MAP3K4: variants seen among roughly 807,000 people sequenced by gnomAD.
The protein encoded by MAP3K4 is MAP three kinase 1.
MAP3K4 carries 67 observed loss-of-function variants against 185.6 expected under a neutral mutation model. The ratio of observed to expected loss-of-function variants is 0.36; its 90% CI spans 0.30 to 0.44. The LOEUF (loss-of-function observed/expected upper bound fraction) is 0.44, where lower values mean the gene tolerates loss of function less well. Among genes scored for constraint, MAP3K4 ranks in the 20% least tolerant of loss-of-function variants. The pLI is 1.00. For synonymous variants in MAP3K4, 702 were observed against 710.4 expected (o/e 0.99, Z 0.19); for missense variants, 1,551 against 1,995.1 (o/e 0.78, Z 4.24).
chr6:161,027,085 G>A (rs1782710498), intron 1 of MAP3K4, among the ~76,000 whole-genome samples: 1 of 151,976 alleles, frequency 6.6e-6, no homozygotes, highest in African/African-American at 2.4e-5. Context: ...AATCAGGCAG[G>A]CCTCATCCAC....
chr6:161,108,713 A>T lies in MAP3K4; in HGVS notation c.4120-30A>T. On this transcript the variant is annotated intron_variant, in intron 21 of 26. Transcript: ENST00000392142. The surrounding 1 kb of genome is among the most constrained non-coding windows in gnomAD (Gnocchi z 5.7). ...TAATGTAGAGTGATTAAATCAAGCCAGTTAACATTTTTGTCACCTCACTTT... is the reference window on the plus strand; with the variant it reads ...TAATGTAGAGTGATTAAATCAAGCCTGTTAACATTTTTGTCACCTCACTTT... The T allele has an allele frequency of 8.1e-7, 1 of 1,238,178 alleles. No homozygotes were observed. The highest frequency in any genetic ancestry group is 1.2e-5 in the South Asian group (1 of 83,542). 76.7% of individuals were successfully genotyped at this position (1,238,178 alleles called of 1,614,324 possible).
At position 161,058,908 on chromosome 6, in the gene MAP3K4, A is replaced by G. The variant is rs1378784645; in HGVS notation, c.1707+8929A>G. Among the ~76,000 whole-genome samples, 3 of 152,268 alleles carry G rather than the reference A, an allele frequency of 2.0e-5. No individual in the cohort carries two copies. The South Asian group carries it at 6.2e-4, about 32-fold the overall frequency. On this transcript the variant is annotated intron_variant, in intron 3 of 26. Transcript: ENST00000392142. ...TTGTGTAAACAATGTAGCCACAGAC[A>G]TTCTTGTACACACCCCTTTATGAAC...
intron 1 of MAP3K4, among the ~76,000 whole-genome samples, chr6:161,014,265 AC>A (rs1781978932): frequency 6.6e-6 from 1 of 152,162 alleles, no homozygotes; most frequent in African/African-American, 2.4e-5. Flanking sequence ...CTTTTGTACC[AC>A]TGGGTATTAT....
chr6:160,992,791 C>A (rs1780796591), intron 1 of MAP3K4, among the ~76,000 whole-genome samples: 1 of 152,080 alleles, frequency 6.6e-6, no homozygotes, highest in South Asian at 2.1e-4. Flanking sequence ...TTCTTCCATA[C>A]TCTATTAACT....
chr6:161,078,457 A>G (rs1320269674), intron 5 of MAP3K4, among the ~76,000 whole-genome samples: 1 of 152,212 alleles, frequency 6.6e-6, no homozygotes, highest in East Asian at 1.9e-4. Flanking sequence ...AAGCGAACAA[A>G]GGAGGGGGTT....
At position 161,077,712 on chromosome 6, in the gene MAP3K4, A is replaced by G. The variant is rs1785247513; in HGVS notation, c.2098-3169A>G. Among the ~76,000 whole-genome samples the G allele has an allele frequency of 6.6e-6, 1 of 152,186 alleles. No homozygotes were observed. The highest frequency in any genetic ancestry group is 2.4e-5 in the African/African-American group (1 of 41,452). On this transcript the variant is annotated intron_variant, in intron 5 of 26. Transcript: ENST00000392142. This position sits in a 1 kb window ranked among gnomAD's most constrained non-coding sequence, Gnocchi z 4.3. ...CAGTGAAATGGCAGGACTCGGGTGGATCAAATGTGAACAAGGTGTTGGGAG... is the reference window on the plus strand; with the variant it reads ...CAGTGAAATGGCAGGACTCGGGTGGGTCAAATGTGAACAAGGTGTTGGGAG...
intron 1 of MAP3K4, among the ~76,000 whole-genome samples, chr6:161,032,674 G>A (rs1425994848): frequency 6.6e-6 from 1 of 152,166 alleles, no homozygotes; most frequent in African/African-American, 2.4e-5. Context: ...TCTTTAATCA[G>A]TCAAATCAAC....
In MAP3K4 at chr6:161,084,660, A is replaced by G. The variant is rs950930590; in HGVS notation, c.2372+43A>G. On this transcript the variant is annotated intron_variant, in intron 7 of 26. Coordinates refer to ENST00000392142, the MANE Select transcript of MAP3K4 (RefSeq NM_005922.4). This position sits in a 1 kb window ranked among gnomAD's most constrained non-coding sequence, Gnocchi z 4.6. ...TTTCCCCTTCCACTTCTTATCTCGT[A>G]GTTTCCTTCCTCATGGTGAGATCCT... 1.7e-5 allele frequency: 19 copies of G among 1,149,928 alleles called. No homozygotes were observed. In the East Asian group the frequency reaches 4.2e-4, roughly 26 times the overall value. 71.2% of individuals were successfully genotyped at this position (1,149,928 alleles called of 1,614,324 possible). A position where few individuals can be genotyped will look rare whatever the true frequency, so the allele number is the denominator to read the frequency against.
intron 1 of MAP3K4, among the ~76,000 whole-genome samples, chr6:161,027,979 C>A (rs1164426619): frequency 6.6e-6 from 1 of 152,216 alleles, no homozygotes; most frequent in Non-Finnish European, 1.5e-5. Flanking sequence ...CACTTCTCCA[C>A]CTAAGTTGGG....
At chr6:160,995,923 T>A (rs867977364) in intron 1 of MAP3K4, among the ~76,000 whole-genome samples, 3 of 152,236 alleles carry the variant, frequency 2.0e-5, no homozygotes, top group Admixed American at 1.3e-4. Flanking sequence ...ATTGTCCTTA[T>A]GAGTACATGC....
chr6:161,066,826 T>G (rs528282224), intron 3 of MAP3K4, among the ~76,000 whole-genome samples: 1 of 152,366 alleles, frequency 6.6e-6, no homozygotes, highest in Non-Finnish European at 1.5e-5. Flanking sequence ...TGCACTTTTT[T>G]GAGAACTAGG....
At chr6:161,002,050 G>GTTTTTTTTTTTTTTT (rs77347524) in intron 1 of MAP3K4, among the ~76,000 whole-genome samples, 1 of 112,464 alleles carries the variant, frequency 8.9e-6, no homozygotes, top group Non-Finnish European at 1.8e-5. Context: ...TAAGAAAAAG[G>GTTTTTTTTTTTTTTT]TTTTTTTTTT....
chr6:161,102,940 G>A (rs1346993815), intron 19 of MAP3K4, among the ~76,000 whole-genome samples, 161 bp downstream of exon 19: 6 of 151,666 alleles, frequency 4.0e-5, no homozygotes, highest in Non-Finnish European at 8.8e-5. Context: ...TTTCTATCAT[G>A]TACTGTGTTT....
intron 3 of MAP3K4, among the ~76,000 whole-genome samples, chr6:161,055,106 G>A (rs890736878): frequency 1.3e-5 from 2 of 152,138 alleles, no homozygotes; most frequent in Non-Finnish European, 2.9e-5. Context: ...ATTTCATAAT[G>A]TATCATGGTC....
intron 1 of MAP3K4, among the ~76,000 whole-genome samples, chr6:161,020,678 G>C (rs1359429894): frequency 1.4e-5 from 2 of 144,780 alleles, no homozygotes; most frequent in Admixed American, 1.4e-4. Flanking sequence ...AAAAAAACAA[G>C]AAAGAGAAAA....
At position 160,994,848 on chromosome 6, in the gene MAP3K4, C is replaced by G. The variant is rs1780918434; in HGVS notation, c.152+2765C>G. ...CCCGGGTAGCTGGGATTATAGGTGC[C>G]TGCCACCAGGTCCAGCTCATTTTTG... is the stretch of plus-strand genomic sequence containing the variant. On this transcript the variant is annotated intron_variant, in intron 1 of 26. Coordinates refer to ENST00000392142, the MANE Select transcript of MAP3K4 (RefSeq NM_005922.4). 2.0e-5 allele frequency among the ~76,000 whole-genome samples: 3 copies of G among 152,100 alleles called. No homozygotes were observed. In the South Asian group the frequency reaches 6.2e-4, roughly 31 times the overall value.
In MAP3K4 at chr6:160,991,955, G is replaced by A. The variant is rs907049502; in HGVS notation, c.24G>A (p.Leu8=). 2 of 1,545,450 alleles carry A rather than the reference G, an allele frequency of 1.3e-6. No individual in the cohort carries two copies. Among genetic ancestry groups the A allele is most frequent in the Non-Finnish European group, 1.7e-6 (2 of 1,153,436 alleles). The change falls in exon 1 of 27, where the codon CTG becomes CTA. Residue 8 remains leucine, a synonymous_variant. Coordinates refer to ENST00000392142, the MANE Select transcript of MAP3K4 (RefSeq NM_005922.4). This position sits in a 1 kb window ranked among gnomAD's most constrained non-coding sequence, Gnocchi z 5.7. ...GGATGAGAGAAGCCGCTGCCGCGCT[G>A]GTCCCTCCTCCCGCCTTTGCCGTCA... The part of the protein sequence containing the change: MREAAAA[L]VPPPAFAVTP...
rs192090040 is a variant in MAP3K4 at position 161,086,744 on chromosome 6, A to C, written c.2556+77A>C. The C allele has an allele frequency of 5.6e-4, 643 of 1,139,054 alleles. 5 individuals are homozygous for C. In the Middle Eastern group the frequency reaches 0.013, roughly 22 times the overall value. The allele number at this position is 1,139,054 out of a possible 1,614,324, so 70.6% of individuals were successfully genotyped here. A position where few individuals can be genotyped will look rare whatever the true frequency, so the allele number is the denominator to read the frequency against. ...CTAAAACAGGCAGACTTTTTCTTGAAGGTCCAGATAGTAAATATTACAGGC... is the reference window on the plus strand; with the variant it reads ...CTAAAACAGGCAGACTTTTTCTTGACGGTCCAGATAGTAAATATTACAGGC... On this transcript the variant is annotated intron_variant, in intron 9 of 26. Transcript: ENST00000392142. The surrounding 1 kb of genome is among the most constrained non-coding windows in gnomAD (Gnocchi z 4.8).
Position 161,073,369 on chromosome 6 carries a change from C to T in MAP3K4, c.1951-97C>T. The T allele has an allele frequency of 8.1e-7, 1 of 1,238,774 alleles. No individual in the cohort carries two copies. Among genetic ancestry groups the T allele is most frequent in the South Asian group, 1.9e-5 (1 of 52,898 alleles). 76.7% of individuals were successfully genotyped at this position (1,238,774 alleles called of 1,614,324 possible). ...TGTAGGTTTTTTAGAGGCAAGGTTC[C>T]CTCTGAGTTTTTTGAAGATTTAAGT... On this transcript the variant is annotated intron_variant, in intron 4 of 26. Coordinates refer to ENST00000392142, the MANE Select transcript of MAP3K4 (RefSeq NM_005922.4). This position sits in a 1 kb window ranked among gnomAD's most constrained non-coding sequence, Gnocchi z 4.2.
Sources: allele counts gnomAD v4.1 joint callset (sites outside exome capture counted in the v4.1 genomes callset), GRCh38; gene constraint gnomAD v4.1.1; non-coding constraint Gnocchi (gnomAD v3.1); transcripts MANE v1.5; gene names NCBI Gene and HGNC (gene_info 2026-07-23, HGNC 2026-07-21).